The following MGAT4C variants were observed in gnomAD, a reference collection of about 807,000 sequenced individuals.
The protein encoded by MGAT4C is MGAT4 family member C.
A neutral mutation model predicts 40.1 loss-of-function variants in MGAT4C; 19 were observed. That is an observed-to-expected ratio of 0.47 (90% CI 0.33 to 0.70). MGAT4C has a LOEUF of 0.70. MGAT4C is among the 30% of genes least tolerant of loss of function. The pLI is 0.02. For synonymous variants in MGAT4C, 181 were observed against 187.1 expected (o/e 0.97, Z 0.27); for missense variants, 491 against 563.2 (o/e 0.87, Z 1.30).
chr12:86,530,788 T>A (rs1438942271), intron 2 of MGAT4C, among the ~76,000 whole-genome samples: 2 of 152,088 alleles, frequency 1.3e-5, no homozygotes, highest in African/African-American at 4.8e-5. Flanking sequence ...ACTGTCCTGC[T>A]AAAGGCTTCA....
At chr12:86,623,392 C>A (rs964365108) in intron 2 of MGAT4C, among the ~76,000 whole-genome samples, 1 of 152,044 alleles carries the variant, frequency 6.6e-6, no homozygotes, top group Non-Finnish European at 1.5e-5. Flanking sequence ...ACAACAGGTC[C>A]ATCTGACTTA....
At chr12:86,611,774 A>G (rs377566188) in intron 2 of MGAT4C, among the ~76,000 whole-genome samples, 4 of 152,172 alleles carry the variant, frequency 2.6e-5, no homozygotes, top group African/African-American at 9.7e-5. Context: ...TTTATTTTCA[A>G]TGTGAAATTT....
intron 2 of MGAT4C, among the ~76,000 whole-genome samples, chr12:86,510,406 T>C (rs1234444644): frequency 6.6e-6 from 1 of 152,102 alleles, no homozygotes; most frequent in Non-Finnish European, 1.5e-5. Flanking sequence ...GTAAAGACCA[T>C]CGAGGCTAGG....
At chr12:86,192,309 G>C (rs1443227611) in intron 1 of MGAT4C, among the ~76,000 whole-genome samples, 1 of 152,084 alleles carries the variant, frequency 6.6e-6, no homozygotes, top group Non-Finnish European at 1.5e-5. Context: ...TGATTAGGAA[G>C]AAATGGAATC....
At chr12:86,671,685 A>G (rs1314295228) in intron 2 of MGAT4C, among the ~76,000 whole-genome samples, 1 of 152,204 alleles carries the variant, frequency 6.6e-6, no homozygotes, top group Admixed American at 6.5e-5. Flanking sequence ...TTCATGACAA[A>G]AACTGTAAGA....
chr12:86,114,197 T>C (rs1877953395), intron 1 of MGAT4C, among the ~76,000 whole-genome samples: 1 of 151,890 alleles, frequency 6.6e-6, no homozygotes, highest in South Asian at 2.1e-4. Context: ...TGTCGTCCCT[T>C]CTCTGGCCTC....
intron 2 of MGAT4C, among the ~76,000 whole-genome samples, chr12:86,631,112 A>C (rs1445314960): frequency 6.6e-6 from 1 of 152,200 alleles, no homozygotes; most frequent in Non-Finnish European, 1.5e-5. Context: ...CACCAACAAC[A>C]GACAAACAGA....
At chr12:86,402,840 G>A (rs2136237870) in intron 3 of MGAT4C, among the ~76,000 whole-genome samples, 1 of 152,240 alleles carries the variant, frequency 6.6e-6, no homozygotes, top group Non-Finnish European at 1.5e-5. Context: ...TTCTTTTAAT[G>A]TGATTTTAAA....
chr12:86,029,863 A>C (rs1890582055), intron 2 of MGAT4C, among the ~76,000 whole-genome samples: 1 of 151,826 alleles, frequency 6.6e-6, no homozygotes, highest in Admixed American at 6.6e-5. Flanking sequence ...CAGAGGAGAA[A>C]GTGTCTGGGG....
intron 2 of MGAT4C, among the ~76,000 whole-genome samples, chr12:86,667,542 C>T (rs1356282830): frequency 1.3e-5 from 2 of 152,130 alleles, no homozygotes; most frequent in Non-Finnish European, 2.9e-5. Flanking sequence ...ATAAGCCATT[C>T]AGTCTCTGTT....
chr12:86,464,728 A>G (rs1957654844), intron 2 of MGAT4C, among the ~76,000 whole-genome samples: 1 of 152,142 alleles, frequency 6.6e-6, no homozygotes. Context: ...TCTAGTCTAT[A>G]AAATGTTAAC....
At chr12:86,478,997 A>C (rs1957887817) in intron 2 of MGAT4C, among the ~76,000 whole-genome samples, 1 of 152,118 alleles carries the variant, frequency 6.6e-6, no homozygotes, top group Non-Finnish European at 1.5e-5. Context: ...TTTGAAGGAC[A>C]CGTGACTTTT....
At chr12:86,622,961 C>A (rs1248886543) in intron 2 of MGAT4C, among the ~76,000 whole-genome samples, 1 of 152,004 alleles carries the variant, frequency 6.6e-6, no homozygotes, top group African/African-American at 2.4e-5. Flanking sequence ...AAACAAAACT[C>A]CCAGAGCCAA....
At chr12:86,681,466 A>G (rs936537910) in intron 2 of MGAT4C, among the ~76,000 whole-genome samples, 2 of 151,992 alleles carry the variant, frequency 1.3e-5, no homozygotes, top group African/African-American at 4.8e-5. Flanking sequence ...TCTTTTAATT[A>G]TAAATGATGG....
At chr12:86,281,747 G>A (rs935707007) in intron 4 of MGAT4C, among the ~76,000 whole-genome samples, 6 of 151,848 alleles carry the variant, frequency 4.0e-5, no homozygotes, top group African/African-American at 7.3e-5. Context: ...ACCTGATTCT[G>A]CATTCTTATC....
At position 85,970,155 on chromosome 12, in the gene MGAT4C, T is replaced by A. The variant is rs560645500; in HGVS notation, c.*9134A>T. ...AGCTACATAATTCCTAAGGAAATATTAATTCATAAAGATTGTTAAATTGAA... is the reference window on the plus strand; with the variant it reads ...AGCTACATAATTCCTAAGGAAATATAAATTCATAAAGATTGTTAAATTGAA... On this transcript the variant is annotated 3_prime_UTR_variant, in exon 5 of 5. Coordinates refer to ENST00000611864, the MANE Select transcript of MGAT4C (RefSeq NM_001351288.2). The A allele has an allele frequency of 2.9e-4, 44 of 151,508 alleles. No individual in the cohort carries two copies. Among genetic ancestry groups the A allele is most frequent in the Non-Finnish European group, 5.8e-4 (39 of 67,460 alleles). The allele number at this position is 151,508 out of a possible 1,614,324, so 9.4% of individuals were successfully genotyped here.
At chr12:86,807,407 G>T (rs1952378643) in intron 1 of MGAT4C, among the ~76,000 whole-genome samples, 1 of 151,986 alleles carries the variant, frequency 6.6e-6, no homozygotes, top group Non-Finnish European at 1.5e-5. Context: ...TTGGTTTGCT[G>T]AGGATAATGG....
chr12:86,062,584 C>A (rs1422854746), intron 1 of MGAT4C, among the ~76,000 whole-genome samples: 1 of 151,846 alleles, frequency 6.6e-6, no homozygotes, highest in Non-Finnish European at 1.5e-5. Flanking sequence ...CTCCTGCAAG[C>A]TAAAGGAGCA....
At chr12:86,369,688 ATTG>A (rs1955680595) in intron 3 of MGAT4C, among the ~76,000 whole-genome samples, 1 of 151,898 alleles carries the variant, frequency 6.6e-6, no homozygotes, top group Non-Finnish European at 1.5e-5. Flanking sequence ...TTTTATGGTT[ATTG>A]TTATTATCCT....
Sources: allele counts gnomAD v4.1 joint callset (sites outside exome capture counted in the v4.1 genomes callset), GRCh38; gene constraint gnomAD v4.1.1; transcripts MANE v1.5; gene names NCBI Gene and HGNC (gene_info 2026-07-23, HGNC 2026-07-21).